Variants in CFH observed in about 807,000 individuals in gnomAD.
CFH encodes the protein complement factor H.
In CFH, 53 loss-of-function variants were observed where a neutral mutation model predicts 147.3. The observed-to-expected ratio is 0.36, with a 90% CI of 0.29 to 0.45. The LOEUF (loss-of-function observed/expected upper bound fraction) is 0.45. Among genes scored for constraint, CFH ranks in the 20% least tolerant of loss-of-function variants. The probability of loss-of-function intolerance (pLI) is 1.00; values close to 1 mark genes in which losing one functional copy is unlikely to be tolerated. For missense variants in CFH, 1,380 were observed against 1,498.0 expected (o/e 0.92, Z 1.30); for synonymous variants, 536 against 489.4 (o/e 1.10, Z -1.26).
In CFH at chr1:196,689,569, A is replaced by G. The variant is rs1370184894; in HGVS notation, c.1114A>G (p.Ile372Val). The change falls in exon 8 of 22, where the codon ATT becomes GTT. Residue 372 changes from isoleucine (I) to valine (V), a missense_variant. Around this residue, in one of 4 missense-constraint regions of CFH, gnomAD observed 167 missense variants for 228.0 expected, o/e 0.73. Coordinates refer to ENST00000367429, the MANE Select transcript of CFH (RefSeq NM_000186.4). ...ETPSGSYWDH[I>V]HCTQDGWSPA... ...TCCGTCAGGAAGTTACTGGGATCACATTCATTGCACACAAGATGGATGGTC... is the reference window on the plus strand; with the variant it reads ...TCCGTCAGGAAGTTACTGGGATCACGTTCATTGCACACAAGATGGATGGTC... The G allele has an allele frequency of 1.2e-6, 2 of 1,613,476 alleles. No individual in the cohort carries two copies. The highest frequency in any genetic ancestry group is 4.5e-5 in the East Asian group (2 of 44,848).
At chr1:196,728,952 C>T (rs1558180091) in intron 15 of CFH, among the ~76,000 whole-genome samples, 1 of 151,864 alleles carries the variant, frequency 6.6e-6, no homozygotes, top group East Asian at 1.9e-4. Context: ...TAATCTATCT[C>T]TCTGTCTATT....
Position 196,653,428 on chromosome 1 carries a change from T to C in CFH, c.58+1253T>C, listed in dbSNP as rs571084823. Among the ~76,000 whole-genome samples, 315 of 152,036 alleles carry C rather than the reference T, an allele frequency of 2.1e-3. 3 individuals carry two copies. Among genetic ancestry groups the C allele is most frequent in the African/African-American group, 6.9e-3 (288 of 41,574 alleles). On this transcript the variant is annotated intron_variant, in intron 1 of 21. Coordinates refer to ENST00000367429, the MANE Select transcript of CFH (RefSeq NM_000186.4). ...TCAATATTACCTATTGTAAAAGACA[T>C]CTTTTTCTGTTTCTTTGTGTAAATA...
chr1:196,731,452 C>A (rs559449558), intron 15 of CFH, among the ~76,000 whole-genome samples: 1 of 151,900 alleles, frequency 6.6e-6, no homozygotes, highest in Non-Finnish European at 1.5e-5. Context: ...TTCAATAATT[C>A]GTATCTCTTA....
chr1:196,735,986 G>A lies in CFH; in HGVS notation c.2414-838G>A, dbSNP rs537825179. On this transcript the variant is annotated intron_variant, in intron 15 of 21. Coordinates refer to ENST00000367429, the MANE Select transcript of CFH (RefSeq NM_000186.4). ...GTGAAGTAGAGCATACACTATGATAGGAGAAAGGAAAATCAAGGGATTATA... is the reference window on the plus strand; with the variant it reads ...GTGAAGTAGAGCATACACTATGATAAGAGAAAGGAAAATCAAGGGATTATA... 2.0e-5 allele frequency among the ~76,000 whole-genome samples: 3 copies of A among 152,030 alleles called. No homozygotes were observed. In the South Asian group the frequency reaches 6.2e-4, roughly 32 times the overall value.
At chr1:196,738,134 A>C (rs1652651956) in intron 17 of CFH, among the ~76,000 whole-genome samples, 1 of 152,188 alleles carries the variant, frequency 6.6e-6, no homozygotes, top group Non-Finnish European at 1.5e-5. Context: ...TATCCTGAGA[A>C]CAGAAGCATG....
At chr1:196,731,334 A>G (rs1436087778) in intron 15 of CFH, among the ~76,000 whole-genome samples, 4 of 151,950 alleles carry the variant, frequency 2.6e-5, no homozygotes, top group Non-Finnish European at 5.9e-5. Context: ...AACATATCTT[A>G]TAACAGGTAT....
intron 14 of CFH, 68 bp downstream of exon 14, chr1:196,727,008 C>T (rs1669158791): frequency 6.9e-7 from 1 of 1,441,842 alleles, no homozygotes; most frequent in South Asian, 1.2e-5. Flanking sequence ...ACAATAATTG[C>T]AACTATATTT....
Position 196,679,720 on chromosome 1 carries a change from G to A in CFH, c.717G>A (p.Met239Ile), listed in dbSNP as rs1033983678. ...AACGATTTCAATATAAATGTAACAT[G>A]GGTTATGAATACAGTGAAAGAGGAG... ...ENERFQYKCN[M>I]GYEYSERGDA... Residue 239 changes from methionine (M) to isoleucine (I), a missense_variant, in exon 6 of 22, where the codon ATG becomes ATA. Around this residue, in one of 4 missense-constraint regions of CFH, gnomAD observed 167 missense variants for 228.0 expected, o/e 0.73. Coordinates refer to ENST00000367429, the MANE Select transcript of CFH (RefSeq NM_000186.4). 6 of 1,611,528 alleles carry A rather than the reference G, an allele frequency of 3.7e-6. No homozygotes were observed. Among genetic ancestry groups the A allele is most frequent in the Non-Finnish European group, 5.1e-6 (6 of 1,178,364 alleles).
chr1:196,655,776 T>TAGTACATG (rs991574018), intron 1 of CFH, among the ~76,000 whole-genome samples: 3 of 151,986 alleles, frequency 2.0e-5, no homozygotes, highest in Non-Finnish European at 2.9e-5. Flanking sequence ...CACAAAACCA[T>TAGTACATG]AGTACATGGA....
chr1:196,700,304 C>A (rs1190645103), intron 9 of CFH, among the ~76,000 whole-genome samples: 1 of 152,110 alleles, frequency 6.6e-6, no homozygotes, highest in African/African-American at 2.4e-5. Context: ...ACTCCACTGT[C>A]TTGGTATATT....
rs560593266 is a variant in CFH, at chr1:196,684,776, A to G, written c.791-288A>G. Among the ~76,000 whole-genome samples the G allele has an allele frequency of 2.6e-4, 39 of 152,132 alleles. No homozygotes were observed. The South Asian group carries it at 7.9e-3, about 31-fold the overall frequency. Reference sequence around the variant, plus strand: ...GAAGGAAAGTGAAAGTAAGAATTGAAGTTATATGTGATGAGAACATTGCCA... The same window carrying G: ...GAAGGAAAGTGAAAGTAAGAATTGAGGTTATATGTGATGAGAACATTGCCA... On this transcript the variant is annotated intron_variant, in intron 6 of 21. Coordinates refer to ENST00000367429, the MANE Select transcript of CFH (RefSeq NM_000186.4).
chr1:196,701,338 G>A (rs1668442427), intron 9 of CFH: 2 of 1,613,698 alleles, frequency 1.2e-6, no homozygotes, highest in Non-Finnish European at 1.7e-6. Flanking sequence ...CTGAACTTCT[G>A]ATCGAAGGTC....
chr1:196,747,433 T>G lies in CFH; in HGVS notation c.*120T>G, dbSNP rs1428319374. On this transcript the variant is annotated 3_prime_UTR_variant, in exon 22 of 22. Transcript: ENST00000367429. ...ATACGTAAAATTTTGGATTAATTTG[T>G]GAAAATGTAATTATAAGCTGAGACC... is the stretch of plus-strand genomic sequence containing the variant. The G allele has an allele frequency of 2.4e-6, 3 of 1,242,774 alleles. No homozygotes were observed. The highest frequency in any genetic ancestry group is 1.9e-4 in the Middle Eastern group (1 of 5,298). 77.0% of individuals were successfully genotyped at this position (1,242,774 alleles called of 1,614,324 possible).
chr1:196,717,931 G>T (rs2149104791), intron 11 of CFH, among the ~76,000 whole-genome samples: 1 of 152,232 alleles, frequency 6.6e-6, no homozygotes, highest in East Asian at 1.9e-4. Flanking sequence ...GTTGGAAAAT[G>T]GTAGAAGCTG....
chr1:196,671,630 T>C (rs1558153654), intron 1 of CFH, among the ~76,000 whole-genome samples: 1 of 125,426 alleles, frequency 8.0e-6, no homozygotes, highest in African/African-American at 3.1e-5. Context: ...ACACACAGAG[T>C]ATATACATAT....
At chr1:196,652,686 T>C (rs978806396) in intron 1 of CFH, among the ~76,000 whole-genome samples, 4 of 151,800 alleles carry the variant, frequency 2.6e-5, no homozygotes, top group African/African-American at 9.6e-5. Flanking sequence ...TTACTTGTAT[T>C]ATCAGAATAA....
In CFH at chr1:196,728,350, A is replaced by G. The variant is rs1173888667; in HGVS notation, c.2241A>G (p.Ile747Met). ...AAAAATATATTTATTTTATAGCAAT[A>G]GATAAACTTAAGAAGTGCAAATCAT... ...VWTQLPQCVAIDKLKKCKSSN... is the reference protein window; with the variant it reads ...VWTQLPQCVAMDKLKKCKSSN... The change falls in exon 15 of 22, where the codon ATA becomes ATG. Residue 747 changes from isoleucine to methionine, a missense_variant. Ile to Met is a conservative substitution (Grantham distance 10). Coordinates refer to ENST00000367429, the MANE Select transcript of CFH (RefSeq NM_000186.4). 1 of 1,465,420 alleles carries G rather than the reference A, an allele frequency of 6.8e-7. No individual in the cohort carries two copies. 90.8% of individuals were successfully genotyped at this position (1,465,420 alleles called of 1,614,324 possible).
chr1:196,674,013 C>G, intron 3 of CFH, 51 bp downstream of exon 3: 1 of 1,196,406 alleles, frequency 8.4e-7, no homozygotes, highest in Non-Finnish European at 1.2e-6. Flanking sequence ...TAAATAGGAA[C>G]TCTACTACTT....
intron 1 of CFH, among the ~76,000 whole-genome samples, chr1:196,659,180 G>A (rs1380258017): frequency 6.6e-6 from 1 of 151,976 alleles, no homozygotes; most frequent in Admixed American, 6.6e-5. Context: ...TGACTACTTG[G>A]GCCAAAATAA....
Sources: allele counts gnomAD v4.1 joint callset (sites outside exome capture counted in the v4.1 genomes callset), GRCh38; gene constraint gnomAD v4.1.1; regional missense constraint gnomAD v4.1.1; transcripts MANE v1.5; gene names NCBI Gene and HGNC (gene_info 2026-07-23, HGNC 2026-07-21).